RETREG1: variants seen among roughly 807,000 people sequenced by gnomAD.
RETREG1 encodes family with sequence similarity 134 member B.
RETREG1 carries 44 observed loss-of-function variants against 54.8 expected under a neutral mutation model. That is an observed-to-expected ratio of 0.80 (90% confidence interval 0.63 to 1.03). The LOEUF (loss-of-function observed/expected upper bound fraction) is 1.03. Among genes scored for constraint, RETREG1 ranks in the 50% least tolerant of loss-of-function variants. The pLI is 0.00. For missense variants in RETREG1, 554 were observed against 605.1 expected (o/e 0.92, Z 0.89); for synonymous variants, 217 against 238.5 (o/e 0.91, Z 0.83).
intron 1 of RETREG1, among the ~76,000 whole-genome samples, chr5:16,602,342 C>T (rs154246): frequency 0.57 from 86,149 of 151,860 alleles, 24,697 homozygotes; most frequent in Non-Finnish European, 0.61. Flanking sequence ...AAAACGACGA[C>T]GATGGGCGTG....
chr5:16,534,415 T>G (rs1016504572), intron 3 of RETREG1, among the ~76,000 whole-genome samples: 1 of 152,226 alleles, frequency 6.6e-6, no homozygotes, highest in Non-Finnish European at 1.5e-5. Flanking sequence ...TGGAGCAGTG[T>G]GTACCAGCCA....
At chr5:16,611,425 T>G (rs1228722417) in intron 1 of RETREG1, among the ~76,000 whole-genome samples, 4 of 152,116 alleles carry the variant, frequency 2.6e-5, no homozygotes, top group African/African-American at 9.7e-5. Context: ...CAGAGACGCT[T>G]TCTAGGCTGC....
At chr5:16,614,132 C>T (rs1304151061) in intron 1 of RETREG1, among the ~76,000 whole-genome samples, 2 of 152,124 alleles carry the variant, frequency 1.3e-5, no homozygotes, top group African/African-American at 2.4e-5. Flanking sequence ...TTTTCCTCTC[C>T]GTCAGTATAA....
chr5:16,616,634 C>T lies in RETREG1; in HGVS notation c.320+18G>A. The T allele has an allele frequency of 6.3e-7, 1 of 1,580,074 alleles. No individual in the cohort carries two copies. The highest frequency in any genetic ancestry group is 8.6e-7 in the Non-Finnish European group (1 of 1,169,416). On this transcript the variant is annotated intron_variant, in intron 1 of 8. Transcript: ENST00000306320. ...TCACCTGCCCTCCTCAGCGCCCCCA[C>T]CTTGCCCAAGCTCTCACCAGAACAG...
intron 3 of RETREG1, among the ~76,000 whole-genome samples, chr5:16,547,157 G>C (rs1293611577): frequency 6.6e-6 from 1 of 152,160 alleles, no homozygotes; most frequent in East Asian, 1.9e-4. Flanking sequence ...ACACCCACAG[G>C]GAAGGTGGCC....
chr5:16,481,952 G>A lies in RETREG1; in HGVS notation c.586-859C>T, dbSNP rs572521457. On this transcript the variant is annotated intron_variant, in intron 4 of 8. Coordinates refer to ENST00000306320, the MANE Select transcript of RETREG1 (RefSeq NM_001034850.3). ...TAAATTAAACTGATAAGCAAGCAAAGGAAATTCATTAAGGGAGTTTCTAAA... is the reference window on the plus strand; with the variant it reads ...TAAATTAAACTGATAAGCAAGCAAAAGAAATTCATTAAGGGAGTTTCTAAA... 3.3e-5 allele frequency among the ~76,000 whole-genome samples: 5 copies of A among 152,042 alleles called. No homozygotes were observed. The East Asian group carries it at 9.7e-4, about 29-fold the overall frequency.
intron 1 of RETREG1, among the ~76,000 whole-genome samples, chr5:16,577,140 T>A (rs1742346148): frequency 6.6e-6 from 1 of 152,182 alleles, no homozygotes; most frequent in Non-Finnish European, 1.5e-5. Context: ...TATAGGTCCC[T>A]TGCTGTCAGG....
chr5:16,474,962 T>C lies in RETREG1; in HGVS notation c.1273A>G (p.Ile425Val). The C allele has an allele frequency of 6.2e-7, 1 of 1,613,922 alleles. No homozygotes were observed. The highest frequency in any genetic ancestry group is 8.5e-7 in the Non-Finnish European group (1 of 1,179,932). ...DVITAAVTAA[I>V]KDQLEGVQQA... ...TGCACACCCTCTAACTGGTCTTTGA[T>C]AGCTGCAGTCACTGCAGCTGTGATA... Residue 425 changes from isoleucine to valine, a missense_variant, in exon 9 of 9, where the codon ATC becomes GTC. By Grantham distance (29) the Ile-to-Val change is conservative (BLOSUM62 3). Around this residue, in one of 4 missense-constraint regions of RETREG1, gnomAD observed 347 missense variants for 412.3 expected, o/e 0.84. Coordinates refer to ENST00000306320, the MANE Select transcript of RETREG1 (RefSeq NM_001034850.3).
chr5:16,571,561 T>C (rs548044239), intron 2 of RETREG1, among the ~76,000 whole-genome samples: 2 of 152,172 alleles, frequency 1.3e-5, no homozygotes, highest in Non-Finnish European at 2.9e-5. Context: ...AATTTATTCA[T>C]TTTTTATTAT....
intron 3 of RETREG1, among the ~76,000 whole-genome samples, chr5:16,544,484 A>G (rs1741336872): frequency 6.6e-6 from 1 of 152,216 alleles, no homozygotes; most frequent in Non-Finnish European, 1.5e-5. Flanking sequence ...GTATCTAAGA[A>G]ATCTTTCCCT....
intron 1 of RETREG1, among the ~76,000 whole-genome samples, chr5:16,603,512 A>G (rs1041089671): frequency 6.6e-6 from 1 of 152,190 alleles, no homozygotes; most frequent in African/African-American, 2.4e-5. Context: ...GGGACAGAGC[A>G]GGGAACAGAG....
At chr5:16,588,430 T>C (rs1742674379) in intron 1 of RETREG1, among the ~76,000 whole-genome samples, 1 of 152,218 alleles carries the variant, frequency 6.6e-6, no homozygotes, top group South Asian at 2.1e-4. Flanking sequence ...AATCACCTTT[T>C]CAGGTGTGCT....
chr5:16,554,110 C>G (rs967074816), intron 3 of RETREG1, among the ~76,000 whole-genome samples: 2 of 152,200 alleles, frequency 1.3e-5, no homozygotes, highest in Non-Finnish European at 2.9e-5. Flanking sequence ...TGCCTCTGAG[C>G]CTCAAAAAGC....
intron 6 of RETREG1, among the ~76,000 whole-genome samples, chr5:16,478,304 T>C (rs1008395466): frequency 6.6e-6 from 1 of 152,168 alleles, no homozygotes; most frequent in Non-Finnish European, 1.5e-5. Context: ...CATTAGTGGC[T>C]CTCTTAATAT....
At chr5:16,528,613 A>C (rs1304926274) in intron 3 of RETREG1, among the ~76,000 whole-genome samples, 1 of 152,204 alleles carries the variant, frequency 6.6e-6, no homozygotes, top group East Asian at 1.9e-4. Flanking sequence ...GACAAAGCCA[A>C]GAGGGTTTCC....
intron 3 of RETREG1, among the ~76,000 whole-genome samples, chr5:16,493,962 T>C (rs1739348746): frequency 6.6e-6 from 1 of 152,234 alleles, no homozygotes. Flanking sequence ...ACCTGGAAGA[T>C]GGCAAACTTG....
At chr5:16,506,751 T>C (rs1041287398) in intron 3 of RETREG1, among the ~76,000 whole-genome samples, 1 of 152,172 alleles carries the variant, frequency 6.6e-6, no homozygotes, top group Non-Finnish European at 1.5e-5. Flanking sequence ...CCCTTCTTTC[T>C]GCACAGATAG....
At chr5:16,487,520 C>T (rs1280553637) in intron 3 of RETREG1, among the ~76,000 whole-genome samples, 1 of 152,222 alleles carries the variant, frequency 6.6e-6, no homozygotes, top group African/African-American at 2.4e-5. Context: ...TCACTACAAG[C>T]CCCAGCCTCT....
chr5:16,489,343 G>GT (rs1369857721), intron 3 of RETREG1, among the ~76,000 whole-genome samples: 1 of 152,162 alleles, frequency 6.6e-6, no homozygotes, highest in Non-Finnish European at 1.5e-5. Flanking sequence ...TCTTTGTGTA[G>GT]TTTAATGCCT....
Sources: gnomAD v4.1 joint callset for allele counts (sites outside exome capture counted in the v4.1 genomes callset) on GRCh38, gnomAD v4.1.1 for gene constraint, gnomAD v4.1.1 regional missense constraint, MANE v1.5 for transcripts, NCBI Gene and HGNC (gene_info 2026-07-23, HGNC 2026-07-21) for gene names.